FMN1: variants seen among roughly 807,000 people sequenced by gnomAD.
FMN1 encodes formin 1.
FMN1 carries 110 observed loss-of-function variants against 132.4 expected under a neutral mutation model. That is an observed-to-expected ratio of 0.83 (90% CI 0.71 to 0.97). The LOEUF is 0.97. FMN1 is among the 50% of genes least tolerant of loss of function. FMN1 has a pLI of 0.00. For synonymous variants in FMN1, 722 were observed against 651.7 expected (o/e 1.11, Z -1.64); for missense variants, 1,792 against 1,705.3 (o/e 1.05, Z -0.90).
At chr15:33,167,981 G>GA (rs1965174881) in intron 3 of FMN1, among the ~76,000 whole-genome samples, 1 of 152,054 alleles carries the variant, frequency 6.6e-6, no homozygotes, top group African/African-American at 2.4e-5. Context: ...AACTTTTATT[G>GA]AAAAAAATTC....
chr15:32,806,109 G>A (rs531423843), intron 17 of FMN1, among the ~76,000 whole-genome samples: 1 of 152,236 alleles, frequency 6.6e-6, no homozygotes, highest in African/African-American at 2.4e-5. Context: ...AAGTTGTTAT[G>A]TTATTATGTA....
chr15:33,151,228 T>C (rs1042382819), intron 4 of FMN1: 36 of 1,535,204 alleles, frequency 2.3e-5, no homozygotes, highest in Admixed American at 7.9e-5. Context: ...GTCTCCACAG[T>C]AGAGAAGTTA....
chr15:33,009,343 A>C (rs770173907), intron 6 of FMN1, among the ~76,000 whole-genome samples: 23 of 152,194 alleles, frequency 1.5e-4, no homozygotes, highest in Non-Finnish European at 2.8e-4. Flanking sequence ...TGAGTGATCT[A>C]CATAGACATG....
At chr15:33,111,373 T>C (rs2039697646) in intron 4 of FMN1, among the ~76,000 whole-genome samples, 1 of 152,120 alleles carries the variant, frequency 6.6e-6, no homozygotes. Context: ...ACAAGATTGC[T>C]GGTGGGAGCC....
At chr15:33,126,139 T>C (rs2140199866) in intron 4 of FMN1, among the ~76,000 whole-genome samples, 1 of 152,060 alleles carries the variant, frequency 6.6e-6, no homozygotes, top group African/African-American at 2.4e-5. Context: ...AGCTGCTGAC[T>C]AAATGAGTTT....
chr15:32,837,530 C>A (rs1382607487), intron 17 of FMN1, among the ~76,000 whole-genome samples: 1 of 152,134 alleles, frequency 6.6e-6, no homozygotes, highest in African/African-American at 2.4e-5. Context: ...TGGACTGAGT[C>A]CTGAAGCCCT....
chr15:33,177,551 C>A (rs963873202), intron 3 of FMN1, among the ~76,000 whole-genome samples: 1 of 152,250 alleles, frequency 6.6e-6, no homozygotes, highest in East Asian at 1.9e-4. Flanking sequence ...ATTCCATAGT[C>A]CCCCCTGCAA....
chr15:33,092,681 C>G (rs181707589), intron 4 of FMN1, among the ~76,000 whole-genome samples: 1 of 152,060 alleles, frequency 6.6e-6, no homozygotes. Flanking sequence ...CAGGCCAGTA[C>G]GTAAAAACAA....
intron 17 of FMN1, among the ~76,000 whole-genome samples, chr15:32,831,474 C>T (rs1175165554): frequency 1.3e-5 from 2 of 152,096 alleles, no homozygotes; most frequent in African/African-American, 4.8e-5. Context: ...TGCTGCTTGC[C>T]TAGAACACGG....
At position 33,126,627 on chromosome 15, in the gene FMN1, G is replaced by C. The variant is rs947347578; in HGVS notation, c.1867+26421C>G. 4.0e-4 allele frequency among the ~76,000 whole-genome samples: 37 copies of C among 93,148 alleles called. No homozygotes were observed. The East Asian group carries it at 5.7e-3, about 14-fold the overall frequency. 61.1% of individuals were successfully genotyped at this position (93,148 alleles called of 152,430 possible). ...AGAAGAAAGGAAGCAGCAGGAAATG[G>C]GCGGAAGTGTTAAGTTGCAAATCCT... On this transcript the variant is annotated intron_variant, in intron 4 of 20. Transcript: ENST00000616417.
chr15:33,186,416 A>G (rs11632374), intron 2 of FMN1, among the ~76,000 whole-genome samples: 41,283 of 151,910 alleles, frequency 0.27, 6,526 homozygotes, highest in Non-Finnish European at 0.37. Flanking sequence ...CGAAAATCCT[A>G]CATATTTCTG....
intron 19 of FMN1, among the ~76,000 whole-genome samples, chr15:32,788,574 C>T (rs2056959037): frequency 6.6e-6 from 1 of 152,172 alleles, no homozygotes; most frequent in Admixed American, 6.5e-5. Context: ...CTCTCTGGCG[C>T]CCCTCAAATC....
intron 9 of FMN1, among the ~76,000 whole-genome samples, chr15:32,945,913 T>C (rs2061499612): frequency 6.6e-6 from 1 of 152,190 alleles, no homozygotes; most frequent in Non-Finnish European, 1.5e-5. Flanking sequence ...ACTTCTCGCA[T>C]AGTCTTCATT....
chr15:33,045,811 A>C (rs1001260157), intron 6 of FMN1, among the ~76,000 whole-genome samples: 2 of 152,142 alleles, frequency 1.3e-5, no homozygotes, highest in Non-Finnish European at 2.9e-5. Context: ...TTTTTCGTGC[A>C]CATGTAGGTA....
chr15:32,878,024 GAAATAT>G (rs1372348450), intron 16 of FMN1, among the ~76,000 whole-genome samples: 2 of 152,176 alleles, frequency 1.3e-5, no homozygotes, highest in Admixed American at 6.5e-5. Context: ...AAAATAATAT[GAAATAT>G]GAATATGTGA....
chr15:32,984,748 T>C (rs2032944328), intron 7 of FMN1, among the ~76,000 whole-genome samples: 1 of 152,054 alleles, frequency 6.6e-6, no homozygotes, highest in African/African-American at 2.4e-5. Context: ...AAATTCAACA[T>C]TTTTTTCTAC....
intron 19 of FMN1, among the ~76,000 whole-genome samples, chr15:32,778,691 C>CTTATACACTGTTGATGTGA (rs1385918012): frequency 6.6e-6 from 1 of 152,046 alleles, no homozygotes; most frequent in African/African-American, 2.4e-5. Flanking sequence ...AACTGGAACC[C>CTTATACACTGTTGATGTGA]TTATACACTG....
intron 7 of FMN1, among the ~76,000 whole-genome samples, chr15:32,999,841 C>G (rs1340219461): frequency 1.3e-5 from 2 of 152,148 alleles, no homozygotes; most frequent in African/African-American, 4.8e-5. Context: ...TCCTCACAAG[C>G]CAGACAAAGG....
At chr15:33,132,913 C>T (rs1963608937) in intron 4 of FMN1, among the ~76,000 whole-genome samples, 1 of 152,080 alleles carries the variant, frequency 6.6e-6, no homozygotes, top group Non-Finnish European at 1.5e-5. Flanking sequence ...TGAGCACACA[C>T]CCCCCTCTAC....
Sources: gnomAD v4.1 joint callset for allele counts (sites outside exome capture counted in the v4.1 genomes callset) on GRCh38, gnomAD v4.1.1 for gene constraint, MANE v1.5 for transcripts, NCBI Gene and HGNC (gene_info 2026-07-23, HGNC 2026-07-21) for gene names.